Variants in PPP1R3A observed in about 807,000 individuals in gnomAD.
PPP1R3A encodes the protein RG1.
In PPP1R3A, 29 loss-of-function variants were observed where a neutral mutation model predicts 41.7. That is an observed-to-expected ratio of 0.70 (90% CI 0.52 to 0.95). The LOEUF is 0.95. Ranked by LOEUF, PPP1R3A falls within the 40% of genes least tolerant of loss-of-function variation. The pLI, the probability that PPP1R3A is intolerant of heterozygous loss-of-function variation, is 0.00. For synonymous variants in PPP1R3A, 485 were observed against 453.4 expected (o/e 1.07, Z -0.89); for missense variants, 1,352 against 1,292.4 (o/e 1.05, Z -0.71).
intron 1 of PPP1R3A, among the ~76,000 whole-genome samples, chr7:113,911,866 A>G (rs1020115801): frequency 9.9e-5 from 15 of 152,062 alleles, no homozygotes; most frequent in African/African-American, 3.6e-4. Context: ...GAAAATGTGG[A>G]ATTTATCACC....
chr7:113,896,627 G>A (rs985023427), intron 1 of PPP1R3A, among the ~76,000 whole-genome samples: 1 of 151,712 alleles, frequency 6.6e-6, no homozygotes, highest in Non-Finnish European at 1.5e-5. Flanking sequence ...AAACATAGTG[G>A]AATGGAATAC....
At chr7:113,908,572 G>A (rs548340481) in intron 1 of PPP1R3A, among the ~76,000 whole-genome samples, 8 of 151,996 alleles carry the variant, frequency 5.3e-5, no homozygotes, top group Non-Finnish European at 1.0e-4. Flanking sequence ...TCTGCTTGTA[G>A]ATACAATATT....
At chr7:113,886,639 G>T (rs1364753032) in intron 1 of PPP1R3A, among the ~76,000 whole-genome samples, 1 of 152,140 alleles carries the variant, frequency 6.6e-6, no homozygotes, top group Non-Finnish European at 1.5e-5. Context: ...TGGTTGTTTT[G>T]CAGGTGCTTA....
intron 1 of PPP1R3A, among the ~76,000 whole-genome samples, chr7:113,916,607 C>A: frequency 6.6e-6 from 1 of 152,016 alleles, no homozygotes; most frequent in East Asian, 1.9e-4. Flanking sequence ...CTTTTATGAG[C>A]TTTTAGACAA....
intron 2 of PPP1R3A, 46 bp from the exon 3 acceptor site, chr7:113,882,209 TAGA>T: frequency 6.3e-7 from 1 of 1,596,184 alleles, no homozygotes; most frequent in African/African-American, 1.3e-5. Flanking sequence ...GTTTTAATTG[TAGA>T]CTTTCACAAA....
At position 113,918,188 on chromosome 7, in the gene PPP1R3A, A is replaced by G. The variant is rs1452171759; in HGVS notation, c.782+27T>C. The G allele has an allele frequency of 2.6e-6, 4 of 1,552,818 alleles. No homozygotes were observed. The South Asian group carries it at 4.9e-5, about 19-fold the overall frequency. ...ACATAAAAACTTTAAGATTGTGAAT[A>G]ATAAAATATGTAAGATATATCCTCA... On this transcript the variant is annotated intron_variant, in intron 1 of 3. Transcript: ENST00000284601.
intron 1 of PPP1R3A, among the ~76,000 whole-genome samples, chr7:113,884,889 CAGAGA>C (rs1451750139): frequency 2.0e-5 from 3 of 151,812 alleles, no homozygotes; most frequent in African/African-American, 7.3e-5. Flanking sequence ...GCAGACATTT[CAGAGA>C]AGAGAAAACA....
In PPP1R3A at chr7:113,877,118, T is replaced by C. The variant is rs1796578752; in HGVS notation, c.*605A>G. On this transcript the variant is annotated 3_prime_UTR_variant, in exon 4 of 4. Transcript: ENST00000284601. ...TGACTTTGTAGCTATAAAGAAGGTA[T>C]GTGTGTGTGTGTGTGCATGCATCAA... 1 of 149,642 alleles carries C rather than the reference T, an allele frequency of 6.7e-6. No individual in the cohort carries two copies. The highest frequency in any genetic ancestry group is 1.5e-5 in the Non-Finnish European group (1 of 67,394). The allele number at this position is 149,642 out of a possible 1,614,324, so 9.3% of individuals were successfully genotyped here.
rs945492403 is a variant in PPP1R3A at position 113,908,506 on chromosome 7, A to G, written c.782+9709T>C. ...TTCATTGATAGAACAAATAGCTTTT[A>G]GTTAAAATTATACATACACACAAAG... On this transcript the variant is annotated intron_variant, in intron 1 of 3. Transcript: ENST00000284601. Among the ~76,000 whole-genome samples, 4 of 152,124 alleles carry G rather than the reference A, an allele frequency of 2.6e-5. 1 individual carries two copies. In the South Asian group the frequency reaches 8.3e-4, roughly 31 times the overall value.
chr7:113,889,561 T>A (rs1311902320), intron 1 of PPP1R3A, among the ~76,000 whole-genome samples: 16 of 152,146 alleles, frequency 1.1e-4, no homozygotes, highest in Non-Finnish European at 2.9e-5. Flanking sequence ...TCCCTTACAA[T>A]ATCATTGCAC....
chr7:113,899,451 C>G (rs1467159807), intron 1 of PPP1R3A, among the ~76,000 whole-genome samples: 2 of 151,770 alleles, frequency 1.3e-5, no homozygotes, highest in Non-Finnish European at 2.9e-5. Flanking sequence ...TCCTTTGTAT[C>G]TGAATGTCCC....
chr7:113,915,836 G>C (rs1440411510), intron 1 of PPP1R3A, among the ~76,000 whole-genome samples: 1 of 151,652 alleles, frequency 6.6e-6, no homozygotes, highest in African/African-American at 2.4e-5. Flanking sequence ...ACACCGATAA[G>C]GTGTGCTATT....
chr7:113,910,229 G>C (rs1472538811), intron 1 of PPP1R3A, among the ~76,000 whole-genome samples: 1 of 152,004 alleles, frequency 6.6e-6, no homozygotes, highest in African/African-American at 2.4e-5. Flanking sequence ...GTAAGATTTG[G>C]ATGGGGACAC....
rs766120568 is a variant in PPP1R3A, at chr7:113,879,376, G to A, written c.1716C>T (p.Ile572=). ...CATCTGCTGTGATTGCCCGGGTGGG[G>A]ATTGCGGTATGTTCGCTCAGCAGAG... ...LATLLSEHTA[I]PTRAITADVS... is the part of the protein sequence containing the mutation. Residue 572 remains isoleucine (I), a synonymous_variant, in exon 4 of 4, where the codon ATC becomes ATT. Transcript: ENST00000284601. 34 of 1,613,570 alleles carry A rather than the reference G, an allele frequency of 2.1e-5. No homozygotes were observed. The highest frequency in any genetic ancestry group is 2.7e-5 in the Non-Finnish European group (32 of 1,179,734).
rs140417602 is a variant in PPP1R3A, at chr7:113,887,768, C to T, written c.783-5448G>A. Among the ~76,000 whole-genome samples the T allele has an allele frequency of 2.3e-3, 355 of 152,176 alleles. 3 individuals carry two copies. Among genetic ancestry groups the T allele is most frequent in the African/African-American group, 8.1e-3 (337 of 41,528 alleles). ...CAAAATGGCCAGGTGTGGTGGCTCA[C>T]GCCTATAATCCCAGCACTTTGGGAG... is the stretch of plus-strand genomic sequence containing the variant. On this transcript the variant is annotated intron_variant, in intron 1 of 3. Coordinates refer to ENST00000284601, the MANE Select transcript of PPP1R3A (RefSeq NM_002711.4).
intron 1 of PPP1R3A, among the ~76,000 whole-genome samples, chr7:113,906,661 T>C (rs1241630996): frequency 6.6e-6 from 1 of 151,820 alleles, no homozygotes; most frequent in African/African-American, 2.4e-5. Flanking sequence ...ACATAATTCA[T>C]TATTTAACTA....
chr7:113,917,100 A>T (rs1245156850), intron 1 of PPP1R3A, among the ~76,000 whole-genome samples: 1 of 152,086 alleles, frequency 6.6e-6, no homozygotes, highest in African/African-American at 2.4e-5. Flanking sequence ...ATTTCCCAAT[A>T]TCGTATCTTA....
intron 1 of PPP1R3A, among the ~76,000 whole-genome samples, chr7:113,908,751 A>G (rs538176784): frequency 1.1e-4 from 17 of 151,988 alleles, no homozygotes; most frequent in Non-Finnish European, 2.2e-4. Context: ...CTAAGTGTCC[A>G]TTGATGGTGG....
chr7:113,904,806 C>T (rs189974078), intron 1 of PPP1R3A, among the ~76,000 whole-genome samples: 1 of 151,554 alleles, frequency 6.6e-6, no homozygotes, highest in East Asian at 2.0e-4. Flanking sequence ...AACAGTATCC[C>T]TCCATATTTT....
Sources: gnomAD v4.1 joint callset for allele counts (sites outside exome capture counted in the v4.1 genomes callset) on GRCh38, gnomAD v4.1.1 for gene constraint, MANE v1.5 for transcripts, NCBI Gene and HGNC (gene_info 2026-07-23, HGNC 2026-07-21) for gene names.